The following FAT3 variants were observed in gnomAD, a reference collection of about 807,000 sequenced individuals.
The protein encoded by FAT3 is FAT atypical cadherin 3, also known as protocadherin Fat 3.
In FAT3, 95 loss-of-function variants were observed where a neutral mutation model predicts 310.2. The observed-to-expected ratio is 0.31, with a 90% CI of 0.26 to 0.36. The LOEUF is 0.36. Among genes scored for constraint, FAT3 ranks in the 10% least tolerant of loss-of-function variants. The pLI is 1.00. For synonymous variants in FAT3, 2,314 were observed against 2,192.9 expected (o/e 1.06, Z -1.54); for missense variants, 5,408 against 5,715.6 (o/e 0.95, Z 1.74).
At chr11:92,513,262 C>T (rs1440202247) in intron 2 of FAT3, among the ~76,000 whole-genome samples, 1 of 152,040 alleles carries the variant, frequency 6.6e-6, no homozygotes, top group Admixed American at 6.6e-5. Context: ...AGTGGAGTGA[C>T]CCTGGTTGGG....
At chr11:92,276,687 G>T (rs1008655396) in intron 1 of FAT3, among the ~76,000 whole-genome samples, 3 of 152,126 alleles carry the variant, frequency 2.0e-5, no homozygotes, top group African/African-American at 7.2e-5. Context: ...GGGGAGTCAA[G>T]CTCAGTTAGA....
rs558288422 is a variant in FAT3 at position 92,882,953 on chromosome 11, T to G, written c.12497T>G (p.Phe4166Cys). 2 of 1,613,764 alleles carry G rather than the reference T, an allele frequency of 1.2e-6. No individual in the cohort carries two copies. Among genetic ancestry groups the G allele is most frequent in the South Asian group, 2.2e-5 (2 of 91,036 alleles). Reference sequence around the variant, plus strand: ...ATCGCCGTGGTCCTCTTCGTCATCTTCATCCTGGTGGTTCTCTTCATAGTC... The same window carrying G: ...ATCGCCGTGGTCCTCTTCGTCATCTGCATCCTGGTGGTTCTCTTCATAGTC... The part of the protein sequence containing the change: ...IGIAVVLFVI[F>C]ILVVLFIVFR... The change falls in exon 24 of 28, where the codon TTC (phenylalanine) becomes TGC (cysteine). Residue 4166 changes from phenylalanine to cysteine, a missense_variant. Physicochemically the swap from Phe to Cys is radical, Grantham distance 205 (BLOSUM62 -2). This residue lies in a region of FAT3 where 649 missense variants were observed against 666.2 expected (regional missense o/e 0.97). Coordinates refer to ENST00000525166, the MANE Select transcript of FAT3 (RefSeq NM_001367949.2).
intron 2 of FAT3, among the ~76,000 whole-genome samples, chr11:92,427,537 T>C (rs1196219836): frequency 6.6e-6 from 1 of 152,112 alleles, no homozygotes; most frequent in Admixed American, 6.6e-5. Context: ...TTTTGAGATA[T>C]GTTCTATCAA....
intron 6 of FAT3, among the ~76,000 whole-genome samples, chr11:92,770,602 C>T (rs1318350236): frequency 1.3e-5 from 2 of 152,172 alleles, no homozygotes; most frequent in African/African-American, 2.4e-5. Flanking sequence ...AAGCTGCTCA[C>T]ATAACACCTT....
intron 3 of FAT3, among the ~76,000 whole-genome samples, chr11:92,655,326 T>C (rs1470381717): frequency 6.6e-6 from 1 of 152,188 alleles, no homozygotes; most frequent in Non-Finnish European, 1.5e-5. Flanking sequence ...TTCCAGCACC[T>C]AGAACAATTT....
At chr11:92,592,215 T>C (rs1402462222) in intron 3 of FAT3, among the ~76,000 whole-genome samples, 2 of 151,994 alleles carry the variant, frequency 1.3e-5, no homozygotes, top group African/African-American at 4.8e-5. Flanking sequence ...AGGCACAGTC[T>C]CATTAGGTTT....
chr11:92,425,597 C>T (rs188252922), intron 2 of FAT3, among the ~76,000 whole-genome samples: 3 of 152,108 alleles, frequency 2.0e-5, no homozygotes, highest in Admixed American at 1.3e-4. Flanking sequence ...TAGATGTTCT[C>T]ATTGTTCAAC....
chr11:92,411,209 AG>A (rs1206934866), intron 2 of FAT3, among the ~76,000 whole-genome samples: 1 of 148,184 alleles, frequency 6.7e-6, no homozygotes, highest in Non-Finnish European at 1.5e-5. Flanking sequence ...GAAGGCCTCT[AG>A]GCAAGTTAGA....
At chr11:92,320,761 T>C (rs1325751952) in intron 1 of FAT3, among the ~76,000 whole-genome samples, 2 of 151,868 alleles carry the variant, frequency 1.3e-5, no homozygotes, top group African/African-American at 4.8e-5. Flanking sequence ...TCCCAGGTAC[T>C]TGAGAGGCTG....
chr11:92,395,316 AGTATTT>A (rs1394998803), intron 2 of FAT3, among the ~76,000 whole-genome samples: 1 of 152,206 alleles, frequency 6.6e-6, no homozygotes, highest in African/African-American at 2.4e-5. Context: ...GTGCTCATTA[AGTATTT>A]GTAGGAACAG....
intron 1 of FAT3, among the ~76,000 whole-genome samples, chr11:92,289,498 GAT>G (rs1427727243): frequency 6.3e-5 from 7 of 110,586 alleles, no homozygotes; most frequent in Non-Finnish European, 1.1e-4. Context: ...CTCCATGATA[GAT>G]ACACACACAC....
chr11:92,815,800 T>C (rs1425528447), intron 13 of FAT3, among the ~76,000 whole-genome samples: 2 of 152,060 alleles, frequency 1.3e-5, no homozygotes, highest in Admixed American at 6.5e-5. Context: ...TGGGGACACA[T>C]TGGGAATTCA....
Position 92,801,581 on chromosome 11 carries a change from T to G in FAT3, c.8568T>G (p.Asp2856Glu). The G allele has an allele frequency of 6.2e-7, 1 of 1,610,420 alleles. No individual in the cohort carries two copies. Among genetic ancestry groups the G allele is most frequent in the Non-Finnish European group, 8.5e-7 (1 of 1,178,170 alleles). Residue 2856 changes from aspartate (D) to glutamate (E), a missense_variant, in exon 10 of 28, where the codon GAT becomes GAG. Coordinates refer to ENST00000525166, the MANE Select transcript of FAT3 (RefSeq NM_001367949.2). ...NGQVTYSLHS[D>E]SQPEKVMEAF... ...AAGTCACTTACTCCCTCCACTCGGA[T>G]TCCCAGCCCGAAAAGGTAATGGAAG...
intron 3 of FAT3, among the ~76,000 whole-genome samples, chr11:92,682,997 GA>G (rs1943527133): frequency 6.6e-6 from 1 of 151,566 alleles, no homozygotes. Context: ...AGAATTGCTT[GA>G]ACCCAGGAGG....
At chr11:92,605,733 T>G (rs1940256948) in intron 3 of FAT3, among the ~76,000 whole-genome samples, 1 of 149,562 alleles carries the variant, frequency 6.7e-6, no homozygotes, top group African/African-American at 2.5e-5. Context: ...TTTTTTTTTT[T>G]TTTTTTTTTT....
chr11:92,772,003 T>C (rs1238436763), intron 6 of FAT3, among the ~76,000 whole-genome samples: 1 of 152,140 alleles, frequency 6.6e-6, no homozygotes, highest in African/African-American at 2.4e-5. Context: ...GTTCTCTAAA[T>C]TTTATTTTTA....
At chr11:92,715,599 T>C (rs1944658410) in intron 4 of FAT3, among the ~76,000 whole-genome samples, 1 of 151,688 alleles carries the variant, frequency 6.6e-6, no homozygotes, top group African/African-American at 2.4e-5. Context: ...TTCCAGCATA[T>C]AAAACATAAT....
At position 92,346,203 on chromosome 11, in the gene FAT3, A is replaced by G. The variant is rs369140278; in HGVS notation, c.-17-5893A>G. Among the ~76,000 whole-genome samples the G allele has an allele frequency of 9.2e-5, 14 of 152,116 alleles. No homozygotes were observed. The East Asian group carries it at 1.4e-3, about 15-fold the overall frequency. On this transcript the variant is annotated intron_variant, in intron 1 of 27. Coordinates refer to ENST00000525166, the MANE Select transcript of FAT3 (RefSeq NM_001367949.2). ...CATAAAGTAGCGCCATGAGAATGGTAATTTGGGTGGTATCAGAATAGGCTG... is the reference window on the plus strand; with the variant it reads ...CATAAAGTAGCGCCATGAGAATGGTGATTTGGGTGGTATCAGAATAGGCTG...
chr11:92,554,738 T>G (rs1397677353), intron 3 of FAT3, among the ~76,000 whole-genome samples: 1 of 152,178 alleles, frequency 6.6e-6, no homozygotes, highest in Non-Finnish European at 1.5e-5. Context: ...ACATGCTGGT[T>G]ACAGGCAAAG....
Sources: gnomAD v4.1 joint callset for allele counts (sites outside exome capture counted in the v4.1 genomes callset) on GRCh38, gnomAD v4.1.1 for gene constraint, gnomAD v4.1.1 regional missense constraint, MANE v1.5 for transcripts, NCBI Gene and HGNC (gene_info 2026-07-23, HGNC 2026-07-21) for gene names.